TLN2: variants seen among roughly 807,000 people sequenced by gnomAD.
TLN2 encodes the protein talin 2.
Under a neutral mutation model 294.7 loss-of-function variants are expected in TLN2, and 118 were observed. The ratio of observed to expected loss-of-function variants is 0.40; its 90% confidence interval spans 0.34 to 0.47. TLN2 has a LOEUF of 0.47. TLN2 is among the 20% of genes least tolerant of loss of function. The pLI is 0.84. For missense variants in TLN2, 3,083 were observed against 3,282.2 expected (o/e 0.94, Z 1.48); for synonymous variants, 1,431 against 1,304.5 (o/e 1.10, Z -2.09).
At chr15:62,770,600 C>G (rs2063295368) in intron 41 of TLN2, among the ~76,000 whole-genome samples, 1 of 152,298 alleles carries the variant, frequency 6.6e-6, no homozygotes, top group Admixed American at 6.5e-5. Flanking sequence ...GCTACCTTAC[C>G]CTTTTCCACT....
At chr15:62,539,843 A>G (rs186833298) in intron 1 of TLN2, among the ~76,000 whole-genome samples, 3 of 151,912 alleles carry the variant, frequency 2.0e-5, no homozygotes, top group African/African-American at 4.8e-5. Flanking sequence ...AAGACATACC[A>G]TGTGCCAGAA....
At chr15:62,570,903 C>CTGTGTGTGTGTGTGTGTGTGTG (rs58523803) in intron 1 of TLN2, among the ~76,000 whole-genome samples, 18 of 143,834 alleles carry the variant, frequency 1.3e-4, no homozygotes, top group African/African-American at 4.1e-4. Flanking sequence ...GCACAGGCAT[C>CTGTGTGTGTGTGTGTGTGTGTG]TGTGTGTGTG....
chr15:62,500,544 A>G (rs978129985), intron 1 of TLN2, among the ~76,000 whole-genome samples: 1 of 152,216 alleles, frequency 6.6e-6, no homozygotes, highest in African/African-American at 2.4e-5. Flanking sequence ...TGGGTCAGGC[A>G]GAGTCTAACT....
intron 3 of TLN2, among the ~76,000 whole-genome samples, chr15:62,630,930 T>C (rs1193676245): frequency 6.6e-6 from 1 of 151,754 alleles, no homozygotes; most frequent in African/African-American, 2.4e-5. Context: ...AAAGACATCT[T>C]CCCCCCAGTA....
intron 1 of TLN2, among the ~76,000 whole-genome samples, chr15:62,572,867 A>C (rs1307038893): frequency 1.3e-5 from 2 of 151,434 alleles, no homozygotes; most frequent in East Asian, 3.9e-4. Context: ...CTTGTTCGCC[A>C]CCCCCTCCTG....
At chr15:62,571,371 T>C (rs185164895) in intron 1 of TLN2, among the ~76,000 whole-genome samples, 133 of 152,336 alleles carry the variant, frequency 8.7e-4, no homozygotes, top group African/African-American at 3.0e-3. Flanking sequence ...GTTCCTGGAC[T>C]TTCTCAAGCA....
chr15:62,744,909 T>A (rs2140980390), intron 32 of TLN2, among the ~76,000 whole-genome samples: 1 of 149,954 alleles, frequency 6.7e-6, no homozygotes, highest in South Asian at 2.1e-4. Context: ...AAAGGTCAAT[T>A]TCGATTTGCT....
At chr15:62,407,068 G>A (rs995236608) in intron 1 of TLN2, among the ~76,000 whole-genome samples, 15 of 152,100 alleles carry the variant, frequency 9.9e-5, no homozygotes, top group African/African-American at 3.4e-4. Context: ...TACCTTTAGA[G>A]GCCAAGGGAC....
intron 1 of TLN2, among the ~76,000 whole-genome samples, chr15:62,568,523 G>C (rs1469100296): frequency 6.6e-6 from 1 of 152,194 alleles, no homozygotes; most frequent in Non-Finnish European, 1.5e-5. Context: ...TCAGAATGTT[G>C]GAAGCACAGT....
chr15:62,810,715 G>C (rs2066623285), intron 52 of TLN2, among the ~76,000 whole-genome samples: 1 of 152,174 alleles, frequency 6.6e-6, no homozygotes. Flanking sequence ...GCACCAAGAA[G>C]TAGGTACAGT....
intron 28 of TLN2, among the ~76,000 whole-genome samples, chr15:62,735,336 C>T (rs963137629): frequency 1.1e-4 from 16 of 152,168 alleles, no homozygotes; most frequent in Admixed American, 3.3e-4. Context: ...ACGTTTATTC[C>T]GCATGAGGTG....
At chr15:62,829,289 C>T (rs2068535345) in intron 54 of TLN2, 1 of 151,904 alleles carries the variant, frequency 6.6e-6, no homozygotes. Context: ...GTTTAATTGA[C>T]TCACAGTTCC....
chr15:62,543,271 C>G lies in TLN2; in HGVS notation c.-237-46416C>G, dbSNP rs532778192. On this transcript the variant is annotated intron_variant, in intron 1 of 58. Transcript: ENST00000636159. ...CACATCATCAAATTGTTCAGAAACT[C>G]TATATTCTCAACTCTAAAACAAGGA... is the stretch of plus-strand genomic sequence containing the variant. Among the ~76,000 whole-genome samples the G allele has an allele frequency of 2.6e-5, 4 of 152,320 alleles. No individual in the cohort carries two copies. In the South Asian group the frequency reaches 8.3e-4, roughly 32 times the overall value.
intron 53 of TLN2, among the ~76,000 whole-genome samples, 170 bp downstream of exon 53, chr15:62,819,791 A>G (rs1165046980): frequency 6.6e-6 from 1 of 152,252 alleles, no homozygotes; most frequent in African/African-American, 2.4e-5. Context: ...AACTTGAAAA[A>G]GAAACATCCT....
intron 51 of TLN2, among the ~76,000 whole-genome samples, chr15:62,807,730 C>T (rs1024500329): frequency 6.6e-6 from 1 of 152,132 alleles, no homozygotes; most frequent in African/African-American, 2.4e-5. Context: ...TCATCTCGAC[C>T]CTGGGATGCG....
In TLN2 at chr15:62,697,764, C is replaced by T. The variant is rs146432274; in HGVS notation, c.1369C>T (p.Arg457Cys). The part of the protein sequence containing the change: ...HGSVALPAVM[R>C]SGSSGPETFN... ...CTCAGTGGCGCTGCCGGCCGTGATG[C>T]GCTCGGGCTCCAGCGGGCCTGAGAC... The change falls in exon 15 of 59, where the codon CGC (arginine) becomes TGC (cysteine). Residue 457 changes from arginine to cysteine, a missense_variant. Transcript: ENST00000636159. 174 of 1,612,158 alleles carry T rather than the reference C, an allele frequency of 1.1e-4. No individual in the cohort carries two copies. The highest frequency in any genetic ancestry group is 1.4e-4 in the Non-Finnish European group (165 of 1,179,162).
intron 51 of TLN2, among the ~76,000 whole-genome samples, chr15:62,807,251 G>A (rs2066353465): frequency 6.6e-6 from 1 of 152,172 alleles, no homozygotes; most frequent in South Asian, 2.1e-4. Context: ...AGGCCTGCAT[G>A]CATTGTGGTG....
chr15:62,685,948 G>C lies in TLN2; in HGVS notation c.958-693G>C, dbSNP rs186746238. On this transcript the variant is annotated intron_variant, in intron 11 of 58. Transcript: ENST00000636159. ...TGGTGTTTTTCTTAGGAAATCATTT[G>C]TCACCCAAGGATCACAAAAATATCC... Among the ~76,000 whole-genome samples the C allele has an allele frequency of 4.9e-4, 75 of 152,086 alleles. 1 individual carries two copies. In the East Asian group the frequency reaches 7.0e-3, roughly 14 times the overall value.
At chr15:62,512,358 G>C (rs1003747490) in intron 1 of TLN2, among the ~76,000 whole-genome samples, 1 of 152,072 alleles carries the variant, frequency 6.6e-6, no homozygotes, top group African/African-American at 2.4e-5. Flanking sequence ...TCTCTTAGTG[G>C]AAAATTATTT....
Sources: gnomAD v4.1 joint callset for allele counts (sites outside exome capture counted in the v4.1 genomes callset) on GRCh38, gnomAD v4.1.1 for gene constraint, MANE v1.5 for transcripts, NCBI Gene and HGNC (gene_info 2026-07-23, HGNC 2026-07-21) for gene names.